The following SLC7A6 variants were observed in gnomAD, a reference collection of about 807,000 sequenced individuals.
SLC7A6 encodes the protein solute carrier family 7 member 6.
Under a neutral mutation model 46.6 loss-of-function variants are expected in SLC7A6, and 29 were observed. The observed-to-expected ratio is 0.62, with a 90% CI of 0.46 to 0.85. The LOEUF is 0.85. Among genes scored for constraint, SLC7A6 ranks in the 40% least tolerant of loss-of-function variants. The pLI is 0.00. For synonymous variants in SLC7A6, 276 were observed against 257.3 expected, an observed-to-expected ratio of 1.07 and a Z score of -0.70; for missense variants, 527 against 647.6, an observed-to-expected ratio of 0.81 and a Z score of 2.02.
In SLC7A6 at chr16:68,275,084, G is replaced by A; in HGVS notation, c.358G>A (p.Gly120Arg). Residue 120 changes from glycine (G) to arginine (R), a missense_variant, in exon 3 of 11, where the codon GGG becomes AGG. Gly to Arg is a moderately radical substitution (Grantham distance 125, BLOSUM62 -2). Transcript: ENST00000219343. Reference protein sequence around the residue: ...ASYAYILEAFGGFIAFIRLWV... With the variant: ...ASYAYILEAFRGFIAFIRLWV... ...CTACGCTTATATTCTAGAGGCCTTT[G>A]GGGGCTTCATTGCCTTCATCCGCCT... The A allele has an allele frequency of 6.2e-7, 1 of 1,614,160 alleles. No individual in the cohort carries two copies. Among genetic ancestry groups the A allele is most frequent in the African/African-American group, 1.3e-5 (1 of 75,012 alleles).
rs767186820 is a variant in SLC7A6 at position 68,301,238 on chromosome 16, G to A, written c.*3910G>A. 7.5e-6 allele frequency: 12 copies of A among 1,603,168 alleles called. No individual in the cohort carries two copies. In the African/African-American group the frequency reaches 1.3e-4, roughly 18 times the overall value. ...TTAACTCTGGACTCAGAGCCCTCAA[G>A]GGCATGTGGCAGAACCTCATGGACA... On this transcript the variant is annotated 3_prime_UTR_variant, in exon 11 of 11. Coordinates refer to ENST00000219343, the MANE Select transcript of SLC7A6 (RefSeq NM_003983.6).
rs1227414568 is a variant in SLC7A6, at chr16:68,275,098, C to G, written c.372C>G (p.Ala124=). The G allele has an allele frequency of 6.2e-7, 1 of 1,614,200 alleles. No individual in the cohort carries two copies. Among genetic ancestry groups the G allele is most frequent in the Admixed American group, 1.7e-5 (1 of 60,026 alleles). The part of the protein sequence containing the change: ...YILEAFGGFI[A]FIRLWVSLLV... The stretch of plus-strand genomic sequence containing the variant: ...TAGAGGCCTTTGGGGGCTTCATTGC[C>G]TTCATCCGCCTGTGGGTCTCACTGC... Residue 124 remains alanine (A), a synonymous_variant, in exon 3 of 11, where the codon GCC becomes GCG. Coordinates refer to ENST00000219343, the MANE Select transcript of SLC7A6 (RefSeq NM_003983.6).
chr16:68,266,592 G>A lies in SLC7A6; in HGVS notation c.-165-1G>A, dbSNP rs1192430898. The A allele has an allele frequency of 6.6e-6, 1 of 152,114 alleles. No homozygotes were observed. The highest frequency in any genetic ancestry group is 1.5e-5 in the Non-Finnish European group (1 of 68,042). The allele number at this position is 152,114 out of a possible 1,614,324, so 9.4% of individuals were successfully genotyped here. ...CAGTTCCCTCCCACTCTTTGTTGCA[G>A]AGTTTATGTGGCCGAGGCAGACAAG... On this transcript the variant is annotated splice_acceptor_variant, in intron 1 of 10. Transcript: ENST00000219343. LOFTEE classifies it low-confidence loss of function (5UTR_SPLICE).
In SLC7A6 at chr16:68,301,468, T is replaced by A; in HGVS notation, c.*4140T>A. On this transcript the variant is annotated 3_prime_UTR_variant, in exon 11 of 11. Coordinates refer to ENST00000219343, the MANE Select transcript of SLC7A6 (RefSeq NM_003983.6). Reference sequence around the variant, plus strand: ...TTTCCTAGGCTACTGCAGGAGCCCCTTCTCTTCTCAGAAAGGTCTGTTTTT... The same window carrying A: ...TTTCCTAGGCTACTGCAGGAGCCCCATCTCTTCTCAGAAAGGTCTGTTTTT... 1 of 1,476,544 alleles carries A rather than the reference T, an allele frequency of 6.8e-7. No individual in the cohort carries two copies. Among genetic ancestry groups the A allele is most frequent in the South Asian group, 1.2e-5 (1 of 82,026 alleles). 91.5% of individuals were successfully genotyped at this position (1,476,544 alleles called of 1,614,324 possible).
chr16:68,276,215 T>C (rs2042710765), intron 3 of SLC7A6, among the ~76,000 whole-genome samples: 1 of 152,248 alleles, frequency 6.6e-6, no homozygotes, highest in Non-Finnish European at 1.5e-5. Flanking sequence ...TTTCTGCAGA[T>C]AGAACCTGAG....
intron 5 of SLC7A6, 22 bp downstream of exon 5, chr16:68,290,562 C>A (rs1403355648): frequency 1.2e-6 from 2 of 1,613,506 alleles, no homozygotes; most frequent in South Asian, 1.1e-5. Flanking sequence ...ATCACACTCT[C>A]ACTCCCCAGC....
intron 2 of SLC7A6, among the ~76,000 whole-genome samples, chr16:68,272,346 T>C (rs1164358192): frequency 6.6e-6 from 1 of 152,162 alleles, no homozygotes; most frequent in East Asian, 1.9e-4. Context: ...AGAGGACTGC[T>C]TGAGCCTAGG....
Position 68,289,236 on chromosome 16 carries a change from T to C in SLC7A6, c.650-1160T>C, listed in dbSNP as rs1001352052. 2.0e-5 allele frequency among the ~76,000 whole-genome samples: 3 copies of C among 152,032 alleles called. No individual in the cohort carries two copies. In the South Asian group the frequency reaches 6.2e-4, roughly 32 times the overall value. ...TTAAACTGGGAGGCAGAGGTTGCAG[T>C]GAGCCAAGATCTTGCCATTGCACTC... On this transcript the variant is annotated intron_variant, in intron 4 of 10. Transcript: ENST00000219343.
At chr16:68,279,363 C>G (rs1434037038) in intron 3 of SLC7A6, among the ~76,000 whole-genome samples, 1 of 152,096 alleles carries the variant, frequency 6.6e-6, no homozygotes. Flanking sequence ...CATATTTAAT[C>G]TCTTTCATCA....
At position 68,296,632 on chromosome 16, in the gene SLC7A6, C is replaced by T. The variant is rs927013645; in HGVS notation, c.1275C>T (p.Ser425=). The T allele has an allele frequency of 7.4e-6, 12 of 1,614,168 alleles. No individual in the cohort carries two copies. The highest frequency in any genetic ancestry group is 1.7e-5 in the Admixed American group (1 of 60,028). Residue 425 remains serine, a synonymous_variant, in exon 10 of 11, where the codon AGC becomes AGT. Coordinates refer to ENST00000219343, the MANE Select transcript of SLC7A6 (RefSeq NM_003983.6). ...EPKRPRPLKL[S]VFFPIVFCIC... ...TCTCACCCCCTCTATTTCAGCTGAG[C>T]GTGTTTTTCCCCATCGTGTTCTGCA...
intron 2 of SLC7A6, among the ~76,000 whole-genome samples, chr16:68,272,127 A>G (rs1380924162): frequency 6.6e-6 from 1 of 152,198 alleles, no homozygotes; most frequent in Admixed American, 6.5e-5. Flanking sequence ...GAATGAAGAT[A>G]AAGAAGCCTG....
rs760204369 is a variant in SLC7A6 at position 68,301,244 on chromosome 16, G to C, written c.*3916G>C. 1.8e-5 allele frequency: 29 copies of C among 1,606,360 alleles called. No homozygotes were observed. The East Asian group carries it at 2.7e-4, about 15-fold the overall frequency. ...CTGGACTCAGAGCCCTCAAGGGCAT[G>C]TGGCAGAACCTCATGGACATCACAA... On this transcript the variant is annotated 3_prime_UTR_variant, in exon 11 of 11. Coordinates refer to ENST00000219343, the MANE Select transcript of SLC7A6 (RefSeq NM_003983.6).
At position 68,281,945 on chromosome 16, in the gene SLC7A6, T is replaced by TA. The variant is rs2042836290; in HGVS notation, c.524-5801_524-5800insA. 2.6e-5 allele frequency among the ~76,000 whole-genome samples: 4 copies of TA among 152,172 alleles called. No individual in the cohort carries two copies. In the South Asian group the frequency reaches 8.3e-4, roughly 32 times the overall value. ...GCTGAGACTCCATTCCCCCTGAGTT[T>TA]GTTTGGCAAGGGTGACAGTGAGCAG... On this transcript the variant is annotated intron_variant, in intron 3 of 10. Coordinates refer to ENST00000219343, the MANE Select transcript of SLC7A6 (RefSeq NM_003983.6).
chr16:68,290,363 C>T (rs924949201), intron 4 of SLC7A6, 33 bp from the exon 5 acceptor site: 12 of 1,613,094 alleles, frequency 7.4e-6, no homozygotes, highest in East Asian at 4.5e-5. Context: ...TGTTCCTTCT[C>T]TCTGAACCCC....
At position 68,301,605 on chromosome 16, in the gene SLC7A6, C is replaced by T; in HGVS notation, c.*4277C>T. On this transcript the variant is annotated 3_prime_UTR_variant, in exon 11 of 11. Coordinates refer to ENST00000219343, the MANE Select transcript of SLC7A6 (RefSeq NM_003983.6). Reference sequence around the variant, plus strand: ...ATCATCTAAACCAAGTTCCTTCACACTGGAGTATTTTGTCACTTCTCCCCT... The same window carrying T: ...ATCATCTAAACCAAGTTCCTTCACATTGGAGTATTTTGTCACTTCTCCCCT... 2 of 430,820 alleles carry T rather than the reference C, an allele frequency of 4.6e-6. No homozygotes were observed. Among genetic ancestry groups the T allele is most frequent in the South Asian group, 8.6e-5 (2 of 23,270 alleles). The allele number at this position is 430,820 out of a possible 1,614,324, so 26.7% of individuals were successfully genotyped here.
Position 68,301,226 on chromosome 16 carries a change from C to CA in SLC7A6, c.*3899dup, listed in dbSNP as rs1481933271. ...TCAGCAGGGCAGTTAACTCTGGACT[C>CA]AGAGCCCTCAAGGGCATGTGGCAGA... On this transcript the variant is annotated 3_prime_UTR_variant, in exon 11 of 11. Transcript: ENST00000219343. 2 of 1,589,414 alleles carry CA rather than the reference C, an allele frequency of 1.3e-6. No individual in the cohort carries two copies. The highest frequency in any genetic ancestry group is 4.6e-5 in the East Asian group (2 of 43,796).
chr16:68,275,062 C>T lies in SLC7A6; in HGVS notation c.336C>T (p.Tyr112=), dbSNP rs144605306. The T allele has an allele frequency of 2.7e-5, 43 of 1,614,176 alleles. No individual in the cohort carries two copies. The highest frequency in any genetic ancestry group is 1.6e-4 in the Middle Eastern group (1 of 6,062). Reference sequence around the variant, plus strand: ...CCATCACCAAGTCGGGAGCCAGCTACGCTTATATTCTAGAGGCCTTTGGGG... The same window carrying T: ...CCATCACCAAGTCGGGAGCCAGCTATGCTTATATTCTAGAGGCCTTTGGGG... ...GTTITKSGAS[Y]AYILEAFGGF... The change falls in exon 3 of 11, where the codon TAC becomes TAT. Residue 112 remains tyrosine (Y), a synonymous_variant. Coordinates refer to ENST00000219343, the MANE Select transcript of SLC7A6 (RefSeq NM_003983.6).
chr16:68,297,232 A>G lies in SLC7A6; in HGVS notation c.1454-2A>G. On this transcript the variant is annotated splice_acceptor_variant, in intron 10 of 10. Coordinates refer to ENST00000219343, the MANE Select transcript of SLC7A6 (RefSeq NM_003983.6). LOFTEE classifies it high-confidence loss of function. ...CCCTGTGCTTGCTCTATTTTCATTT[A>G]GCTGCTATCACCAGAGGCACCCAGC... 6.2e-7 allele frequency: 1 copy of G among 1,613,626 alleles called. No individual in the cohort carries two copies. Among genetic ancestry groups the G allele is most frequent in the Non-Finnish European group, 8.5e-7 (1 of 1,179,794 alleles).
chr16:68,294,849 C>A (rs756202998), intron 8 of SLC7A6, 48 bp downstream of exon 8: 1 of 1,304,116 alleles, frequency 7.7e-7, no homozygotes, highest in Non-Finnish European at 1.1e-6. Flanking sequence ...GTGCATTGCT[C>A]CTTCTGATTT....
Sources: gnomAD v4.1 joint callset for allele counts (sites outside exome capture counted in the v4.1 genomes callset) on GRCh38, gnomAD v4.1.1 for gene constraint, MANE v1.5 for transcripts, NCBI Gene and HGNC (gene_info 2026-07-23, HGNC 2026-07-21) for gene names.